Variants in CDH20 observed in about 807,000 individuals in gnomAD.
CDH20 encodes cadherin 20.
Under a neutral mutation model 74.2 loss-of-function variants are expected in CDH20, and 29 were observed. The ratio of observed to expected loss-of-function variants is 0.39; its 90% CI spans 0.29 to 0.53. The LOEUF (loss-of-function observed/expected upper bound fraction) is 0.53, where lower values mean the gene tolerates loss of function less well. Ranked by LOEUF, CDH20 falls within the 20% of genes least tolerant of loss-of-function variation. CDH20 has a pLI of 0.69. For synonymous variants in CDH20, 469 were observed against 405.4 expected (o/e 1.16, Z -1.88); for missense variants, 988 against 1,048.3 (o/e 0.94, Z 0.79).
chr18:61,429,785 T>G (rs531270105), intron 1 of CDH20, among the ~76,000 whole-genome samples: 51 of 152,308 alleles, frequency 3.3e-4, no homozygotes, highest in Non-Finnish European at 6.8e-4. Flanking sequence ...AGGAGTTCAC[T>G]TGAGAAATCA....
intron 10 of CDH20, 94 bp from the exon 11 acceptor site, chr18:61,549,884 C>G (rs1220916769): frequency 3.8e-6 from 5 of 1,330,920 alleles, no homozygotes; most frequent in Non-Finnish European, 5.2e-6. Flanking sequence ...ATCCTCTTTC[C>G]TTCCTACACC....
intron 1 of CDH20, among the ~76,000 whole-genome samples, chr18:61,489,429 C>A (rs1910878713): frequency 6.6e-6 from 1 of 151,892 alleles, no homozygotes; most frequent in African/African-American, 2.4e-5. Flanking sequence ...CGAAGGAAGA[C>A]ATTTTGGTTG....
intron 1 of CDH20, among the ~76,000 whole-genome samples, chr18:61,447,169 C>G (rs547802106): frequency 6.6e-6 from 1 of 152,110 alleles, no homozygotes; most frequent in South Asian, 2.1e-4. Context: ...GAAACACGAA[C>G]GTTTGAATAT....
chr18:61,392,570 T>A (rs555242425), intron 1 of CDH20, among the ~76,000 whole-genome samples: 3 of 152,264 alleles, frequency 2.0e-5, no homozygotes, highest in Non-Finnish European at 4.4e-5. Context: ...ATCATGACTA[T>A]CCATCTCCCT....
chr18:61,464,840 G>A (rs1470115130), intron 1 of CDH20, among the ~76,000 whole-genome samples: 2 of 152,208 alleles, frequency 1.3e-5, no homozygotes, highest in Non-Finnish European at 1.5e-5. Flanking sequence ...CAGAGCTGAC[G>A]TTGAAGTCAA....
intron 2 of CDH20, among the ~76,000 whole-genome samples, chr18:61,492,641 A>G (rs994899789): frequency 3.1e-4 from 47 of 152,234 alleles, no homozygotes; most frequent in African/African-American, 1.1e-3. Flanking sequence ...CCTGTCAAGC[A>G]CTGCCTTTAC....
chr18:61,500,102 T>TAAAAAAAAAAAA lies in CDH20; in HGVS notation c.542-245_542-234dup, dbSNP rs534695760. Among the ~76,000 whole-genome samples the TAAAAAAAAAAAA allele has an allele frequency of 2.7e-4, 15 of 56,530 alleles. 3 individuals are homozygous for TAAAAAAAAAAAA. The highest frequency in any genetic ancestry group is 6.0e-4 in the East Asian group (1 of 1,660). The allele number at this position is 56,530 out of a possible 152,430, so 37.1% of individuals were successfully genotyped here. On this transcript the variant is annotated intron_variant, in intron 3 of 11. Coordinates refer to ENST00000262717, the MANE Select transcript of CDH20 (RefSeq NM_031891.4). The stretch of plus-strand genomic sequence containing the variant: ...CTGGCGACAGAGTGAGACTCCATCT[T>TAAAAAAAAAAAA]AAAAAAAAAAAAAAAAAAAAAAAAA...
At chr18:61,493,667 CAA>C (rs1599123344) in intron 2 of CDH20, among the ~76,000 whole-genome samples, 2 of 152,224 alleles carry the variant, frequency 1.3e-5, no homozygotes, top group Admixed American at 1.3e-4. Flanking sequence ...TCAAATTCCT[CAA>C]AGTTTTAGCT....
At chr18:61,352,852 G>T (rs1165796454) in intron 1 of CDH20, among the ~76,000 whole-genome samples, 2 of 152,128 alleles carry the variant, frequency 1.3e-5, no homozygotes, top group Non-Finnish European at 2.9e-5. Flanking sequence ...ATTTCACAAG[G>T]TATCTGTTTC....
chr18:61,554,107 G>C (rs1913532555), intron 11 of CDH20, 83 bp from the exon 12 acceptor site: 1 of 1,510,848 alleles, frequency 6.6e-7, no homozygotes, highest in East Asian at 2.3e-5. Flanking sequence ...TCCCCTATCC[G>C]TGGTGAATCA....
intron 1 of CDH20, among the ~76,000 whole-genome samples, chr18:61,473,285 T>C (rs1910251298): frequency 6.6e-6 from 1 of 152,246 alleles, no homozygotes; most frequent in Admixed American, 6.5e-5. Context: ...TATCAGAATG[T>C]ATCAGAATGT....
chr18:61,463,873 C>A (rs1406926721), intron 1 of CDH20, among the ~76,000 whole-genome samples: 3 of 152,050 alleles, frequency 2.0e-5, no homozygotes, highest in Admixed American at 1.3e-4. Context: ...AAAATATGTG[C>A]CCCTGACAAG....
At chr18:61,456,316 G>T (rs1366186941) in intron 1 of CDH20, among the ~76,000 whole-genome samples, 2 of 152,092 alleles carry the variant, frequency 1.3e-5, no homozygotes, top group African/African-American at 4.8e-5. Context: ...TACATGATTT[G>T]GGAGTTACCC....
At chr18:61,343,523 G>A (rs1910020993) in intron 1 of CDH20, among the ~76,000 whole-genome samples, 1 of 152,120 alleles carries the variant, frequency 6.6e-6, no homozygotes. Flanking sequence ...GATACCCAGT[G>A]TTTCCAGGGA....
chr18:61,367,559 C>T (rs1339094203), intron 1 of CDH20, among the ~76,000 whole-genome samples: 2 of 152,160 alleles, frequency 1.3e-5, no homozygotes, highest in African/African-American at 4.8e-5. Context: ...TTCCCAATCT[C>T]TAGATGCTGC....
chr18:61,354,260 T>C (rs530675255), intron 1 of CDH20, among the ~76,000 whole-genome samples: 90 of 152,176 alleles, frequency 5.9e-4, no homozygotes, highest in Non-Finnish European at 1.2e-3. Context: ...ACTGCCTTCT[T>C]TCCTGTGGAA....
chr18:61,522,554 GA>G (rs996132765), intron 6 of CDH20, among the ~76,000 whole-genome samples: 7 of 152,248 alleles, frequency 4.6e-5, no homozygotes, highest in African/African-American at 1.4e-4. Flanking sequence ...CACAGAATTA[GA>G]AAAAACTTCT....
At chr18:61,553,909 A>G (rs1356087733) in intron 11 of CDH20, among the ~76,000 whole-genome samples, 1 of 152,104 alleles carries the variant, frequency 6.6e-6, no homozygotes, top group South Asian at 2.1e-4. Context: ...TAGACACACA[A>G]TTTCAAAACA....
At chr18:61,406,354 G>C (rs1370514201) in intron 1 of CDH20, among the ~76,000 whole-genome samples, 1 of 152,104 alleles carries the variant, frequency 6.6e-6, no homozygotes, top group Admixed American at 6.6e-5. Flanking sequence ...CTGCTTATCA[G>C]TCTCATCTCA....
Sources: gnomAD v4.1 joint callset for allele counts (sites outside exome capture counted in the v4.1 genomes callset) on GRCh38, gnomAD v4.1.1 for gene constraint, MANE v1.5 for transcripts, NCBI Gene and HGNC (gene_info 2026-07-23, HGNC 2026-07-21) for gene names.